Variants in MCM8 observed in about 807,000 individuals in gnomAD.
The protein encoded by MCM8 is minichromosome maintenance 8 homologous recombination repair factor.
Under a neutral mutation model 98.9 loss-of-function variants are expected in MCM8, and 85 were observed. The ratio of observed to expected loss-of-function variants is 0.86; its 90% confidence interval spans 0.72 to 1.03. The LOEUF is 1.03. MCM8 is among the 50% of genes least tolerant of loss of function. The pLI, the probability that MCM8 is intolerant of heterozygous loss-of-function variation, is 0.00. For missense variants in MCM8, 951 were observed against 997.8 expected, an observed-to-expected ratio of 0.95 and a Z score of 0.63; for synonymous variants, 352 against 338.6, an observed-to-expected ratio of 1.04 and a Z score of -0.44.
At position 5,998,343 on chromosome 20, in the gene MCM8, C is replaced by G. The variant is rs927864502; in HGVS notation, c.*3952C>G. On this transcript the variant is annotated 3_prime_UTR_variant, in exon 19 of 19. Coordinates refer to ENST00000610722, the MANE Select transcript of MCM8 (RefSeq NM_032485.6). ...CAGATGTGAATTGGGTTCCACTGAT[C>G]AGACACCCATGTGTGAGATTTGGAA... 2 of 152,198 alleles carry G rather than the reference C, an allele frequency of 1.3e-5. No individual in the cohort carries two copies. The highest frequency in any genetic ancestry group is 2.9e-5 in the Non-Finnish European group (2 of 68,044). 9.4% of individuals were successfully genotyped at this position (152,198 alleles called of 1,614,324 possible).
chr20:5,952,146 C>T lies in MCM8; in HGVS notation c.131C>T (p.Thr44Ile), dbSNP rs1325192588. ...REHRPDLSKT[T>I]GKRTSEQTPQ... ...CACAGACCTGATCTGAGTAAAACCA[C>T]AGGAAAACGTACTTCTGGTAGGTGA... Residue 44 changes from threonine to isoleucine, a missense_variant, in exon 2 of 19, where the codon ACA becomes ATA. Transcript: ENST00000610722. 6.2e-7 allele frequency: 1 copy of T among 1,613,566 alleles called. No individual in the cohort carries two copies. The highest frequency in any genetic ancestry group is 1.3e-5 in the African/African-American group (1 of 75,022).
chr20:5,955,452 A>G (rs2088953306), intron 5 of MCM8, among the ~76,000 whole-genome samples: 1 of 152,228 alleles, frequency 6.6e-6, no homozygotes, highest in Non-Finnish European at 1.5e-5. Flanking sequence ...TATATACAAC[A>G]GCTTATCTAA....
intron 10 of MCM8, among the ~76,000 whole-genome samples, chr20:5,971,252 T>C (rs1326494229): frequency 6.6e-6 from 1 of 152,208 alleles, no homozygotes; most frequent in African/African-American, 2.4e-5. Flanking sequence ...CTCTCTGGCA[T>C]TAACATCAAC....
intron 13 of MCM8, among the ~76,000 whole-genome samples, chr20:5,981,205 A>G (rs565068445): frequency 6.6e-6 from 1 of 152,328 alleles, no homozygotes; most frequent in East Asian, 1.9e-4. Flanking sequence ...TCTCTGAGGA[A>G]TTGCATTAGC....
chr20:5,952,307 T>G (rs2122635529), intron 2 of MCM8, 117 bp from the exon 3 acceptor site: 1 of 1,555,686 alleles, frequency 6.4e-7, no homozygotes, highest in East Asian at 2.3e-5. Context: ...ATGTCCCAGA[T>G]TTTTACTAAA....
intron 17 of MCM8, among the ~76,000 whole-genome samples, chr20:5,992,269 A>G (rs1224499402): frequency 6.6e-6 from 1 of 152,204 alleles, no homozygotes; most frequent in Non-Finnish European, 1.5e-5. Flanking sequence ...TAATCTTAGC[A>G]TAGGTTGGTG....
In MCM8 at chr20:5,983,108, C is replaced by T; in HGVS notation, c.1676C>T (p.Ala559Val). The change falls in exon 14 of 19, where the codon GCT (alanine) becomes GTT (valine). Residue 559 changes from alanine to valine, a missense_variant. Coordinates refer to ENST00000610722, the MANE Select transcript of MCM8 (RefSeq NM_032485.6). ...SLPARTSIIA[A>V]ANPVGGHYNK... ...CCTGCAAGAACTTCCATTATTGCTGCTGCAAATCCAGTTGGAGGACATTAC... is the reference window on the plus strand; with the variant it reads ...CCTGCAAGAACTTCCATTATTGCTGTTGCAAATCCAGTTGGAGGACATTAC... 1 of 1,614,110 alleles carries T rather than the reference C, an allele frequency of 6.2e-7. No homozygotes were observed. Among genetic ancestry groups the T allele is most frequent in the Non-Finnish European group, 8.5e-7 (1 of 1,180,030 alleles).
At position 5,952,505 on chromosome 20, in the gene MCM8, G is replaced by T. The variant is rs1420524027; in HGVS notation, c.230G>T (p.Gly77Val). Residue 77 changes from glycine (G) to valine (V), a missense_variant, in exon 3 of 19, where the codon GGC (glycine) becomes GTC (valine). Gly to Val is a moderately radical substitution (Grantham distance 109). Transcript: ENST00000610722. ...TTGGATCGATTCATACCATATAAAG[G>T]CTGGAAGCTTTATTTCTCTGAAGGT... ...STLDRFIPYK[G>V]WKLYFSEVYS... 2.5e-6 allele frequency: 4 copies of T among 1,613,550 alleles called. No individual in the cohort carries two copies. The South Asian group carries it at 3.3e-5, about 13-fold the overall frequency.
chr20:5,961,867 A>G (rs896872298), intron 7 of MCM8, among the ~76,000 whole-genome samples: 3 of 152,174 alleles, frequency 2.0e-5, no homozygotes, highest in Admixed American at 6.5e-5. Context: ...CTTTGAAGTG[A>G]CAGAAAGATG....
At chr20:5,977,741 C>T (rs1240105647) in intron 12 of MCM8, 135 bp from the exon 13 acceptor site, 4 of 848,800 alleles carry the variant, frequency 4.7e-6, no homozygotes, top group Non-Finnish European at 7.1e-6. Flanking sequence ...CCTTTCTCTG[C>T]TGGTGATGGT....
chr20:5,968,094 C>A, intron 10 of MCM8, 69 bp downstream of exon 10: 2 of 1,377,658 alleles, frequency 1.5e-6, no homozygotes, highest in Non-Finnish European at 2.0e-6. Context: ...CTACAGGTAA[C>A]AAAAAACTAG....
intron 3 of MCM8, 54 bp downstream of exon 3, chr20:5,952,582 C>T: frequency 7.1e-7 from 1 of 1,399,222 alleles, no homozygotes; most frequent in Non-Finnish European, 1.0e-6. Context: ...CTTAACTTGT[C>T]TTTGGATGCT....
chr20:5,980,740 C>T (rs1239897753), intron 13 of MCM8, among the ~76,000 whole-genome samples: 3 of 151,934 alleles, frequency 2.0e-5, no homozygotes, highest in Non-Finnish European at 2.9e-5. Flanking sequence ...GGTGAGGTGG[C>T]GCATGCCTGT....
chr20:5,973,214 T>TA lies in MCM8; in HGVS notation c.1395+19dup. Reference sequence around the variant, plus strand: ...TGCTACAGGTAGACAATCAGTCATTTAGTGTTTGTTCTTTTGCTTGTAAAA... The same window carrying TA: ...TGCTACAGGTAGACAATCAGTCATTTAAGTGTTTGTTCTTTTGCTTGTAAAA... On this transcript the variant is annotated intron_variant, in intron 12 of 18. Transcript: ENST00000610722. 1 of 1,612,084 alleles carries TA rather than the reference T, an allele frequency of 6.2e-7. No individual in the cohort carries two copies. The highest frequency in any genetic ancestry group is 8.5e-7 in the Non-Finnish European group (1 of 1,178,422).
intron 5 of MCM8, among the ~76,000 whole-genome samples, chr20:5,955,736 A>G (rs2088963119): frequency 6.6e-6 from 1 of 152,172 alleles, no homozygotes; most frequent in Non-Finnish European, 1.5e-5. Context: ...AGGTAATACA[A>G]CATATATGAA....
intron 10 of MCM8, among the ~76,000 whole-genome samples, chr20:5,970,735 T>G (rs2089385385): frequency 1.3e-5 from 2 of 152,216 alleles, no homozygotes; most frequent in Non-Finnish European, 2.9e-5. Flanking sequence ...TACTCCTGAT[T>G]TTCTCTCCCA....
chr20:5,976,688 T>C (rs1490700932), intron 12 of MCM8, among the ~76,000 whole-genome samples: 1 of 152,214 alleles, frequency 6.6e-6, no homozygotes, highest in Non-Finnish European at 1.5e-5. Context: ...CGCCTCAGCA[T>C]CTCATCAACA....
intron 8 of MCM8, among the ~76,000 whole-genome samples, chr20:5,967,173 T>A (rs1424157998): frequency 6.6e-6 from 1 of 152,226 alleles, no homozygotes; most frequent in Non-Finnish European, 1.5e-5. Flanking sequence ...TAATATCTCA[T>A]TTGCTGATGA....
intron 7 of MCM8, among the ~76,000 whole-genome samples, chr20:5,959,224 A>C (rs2089071455): frequency 6.6e-6 from 1 of 152,190 alleles, no homozygotes; most frequent in Non-Finnish European, 1.5e-5. Context: ...ACATTTATCT[A>C]CTCTATGATT....
Sources: gnomAD v4.1 joint callset for allele counts (sites outside exome capture counted in the v4.1 genomes callset) on GRCh38, gnomAD v4.1.1 for gene constraint, MANE v1.5 for transcripts, NCBI Gene and HGNC (gene_info 2026-07-23, HGNC 2026-07-21) for gene names.